CHST12: variants seen among roughly 807,000 people sequenced by gnomAD.
CHST12 encodes carbohydrate (chondroitin 4) sulfotransferase 12.
CHST12 carries 23 observed loss-of-function variants against 27.9 expected under a neutral mutation model. The observed-to-expected ratio is 0.82, with a 90% confidence interval of 0.59 to 1.17. The LOEUF is 1.17. Among genes scored for constraint, CHST12 ranks in the 50% most tolerant of loss-of-function variants. The pLI is 0.00. For missense variants in CHST12, 682 were observed against 603.0 expected (o/e 1.13, Z -1.37); for synonymous variants, 322 against 273.0 (o/e 1.18, Z -1.77).
At position 2,431,821 on chromosome 7, in the gene CHST12, G is replaced by A. The variant is rs535995980; in HGVS notation, c.-77-742G>A. Among the ~76,000 whole-genome samples the A allele has an allele frequency of 1.1e-4, 17 of 152,214 alleles. No homozygotes were observed. The South Asian group carries it at 3.3e-3, about 30-fold the overall frequency. Reference sequence around the variant, plus strand: ...GGCATTCGACTTAAGTAGAGTGGGTGTTGCCAAAACAATTTTCCTGTTGTT... The same window carrying A: ...GGCATTCGACTTAAGTAGAGTGGGTATTGCCAAAACAATTTTCCTGTTGTT... On this transcript the variant is annotated intron_variant, in intron 1 of 1. Coordinates refer to ENST00000618655, the MANE Select transcript of CHST12 (RefSeq NM_018641.5).
Position 2,433,004 on chromosome 7 carries a change from C to T in CHST12, c.365C>T (p.Ala122Val), listed in dbSNP as rs752131799. ...AGCCCAGACCAGGGCCGGCAGCAGG[C>T]GGAGCGGAGGAGCGTGCTGCGGGGC... is the stretch of plus-strand genomic sequence containing the variant. The part of the protein sequence containing the change: ...RRSPDQGRQQ[A>V]ERRSVLRGFC... The change falls in exon 2 of 2, where the codon GCG (alanine) becomes GTG (valine). Residue 122 changes from alanine to valine, a missense_variant. Physicochemically the swap from Ala to Val is moderately conservative, Grantham distance 64 (BLOSUM62 0). Coordinates refer to ENST00000618655, the MANE Select transcript of CHST12 (RefSeq NM_018641.5). This position sits in a 1 kb window ranked among gnomAD's most constrained non-coding sequence, Gnocchi z 6.1. 1.2e-6 allele frequency: 2 copies of T among 1,610,412 alleles called. No individual in the cohort carries two copies. The highest frequency in any genetic ancestry group is 2.2e-5 in the East Asian group (1 of 44,830).
intron 1 of CHST12, among the ~76,000 whole-genome samples, chr7:2,427,433 C>G (rs1017299414): frequency 1.0e-4 from 15 of 146,680 alleles, no homozygotes; most frequent in African/African-American, 3.3e-4. Context: ...CCTAGGAGGT[C>G]AAGGCTGCAG....
chr7:2,433,028 G>C lies in CHST12; in HGVS notation c.389G>C (p.Gly130Ala), dbSNP rs1250381282. ...QQAERRSVLR[G>A]FCANSSLAFP... ...GCGGAGCGGAGGAGCGTGCTGCGGG[G>C]CTTCTGCGCCAACTCCAGCCTGGCC... Residue 130 changes from glycine (G) to alanine (A), a missense_variant, in exon 2 of 2, where the codon GGC becomes GCC. Physicochemically the swap from Gly to Ala is moderately conservative, Grantham distance 60 (BLOSUM62 0). Transcript: ENST00000618655. This position sits in a 1 kb window ranked among gnomAD's most constrained non-coding sequence, Gnocchi z 6.1. The C allele has an allele frequency of 1.9e-6, 3 of 1,611,222 alleles. No individual in the cohort carries two copies. Among genetic ancestry groups the C allele is most frequent in the South Asian group, 1.1e-5 (1 of 91,056 alleles).
chr7:2,427,578 C>T (rs192582943), intron 1 of CHST12, among the ~76,000 whole-genome samples: 5 of 151,874 alleles, frequency 3.3e-5, no homozygotes, highest in Admixed American at 6.6e-5. Flanking sequence ...ATCTGCCACC[C>T]CCCCCTACAG....
In CHST12 at chr7:2,444,312, A is replaced by G. The variant is rs1782693357; in HGVS notation, c.*10428A>G. ...AAAAAAAAAAAAAAAAAAAAAATAC[A>G]AAAATTAGCTGGGTGTGGTGGTGGG... On this transcript the variant is annotated 3_prime_UTR_variant, in exon 2 of 2. Transcript: ENST00000618655. 6.8e-6 allele frequency: 1 copy of G among 147,776 alleles called. No homozygotes were observed. Among genetic ancestry groups the G allele is most frequent in the Admixed American group, 6.7e-5 (1 of 14,816 alleles). The allele number at this position is 147,776 out of a possible 1,614,324, so 9.2% of individuals were successfully genotyped here. A position where few individuals can be genotyped will look rare whatever the true frequency, so the allele number is the denominator to read the frequency against.
chr7:2,432,225 C>G (rs1032729512), intron 1 of CHST12, among the ~76,000 whole-genome samples: 28 of 148,270 alleles, frequency 1.9e-4, no homozygotes, highest in African/African-American at 6.9e-4. Flanking sequence ...AGGGCTCACA[C>G]CTGGAGCTGG....
At chr7:2,420,816 T>C (rs1463903946) in intron 1 of CHST12, among the ~76,000 whole-genome samples, 1 of 152,116 alleles carries the variant, frequency 6.6e-6, no homozygotes, top group African/African-American at 2.4e-5. Context: ...CTTTCAGTTA[T>C]TTTGGGTGTA....
intron 1 of CHST12, among the ~76,000 whole-genome samples, chr7:2,427,647 T>G: frequency 6.6e-6 from 1 of 152,198 alleles, no homozygotes; most frequent in East Asian, 1.9e-4. Flanking sequence ...AAGTTGAGGA[T>G]ATCCTCTTTG....
Position 2,433,283 on chromosome 7 carries a change from C to T in CHST12, c.644C>T (p.Thr215Ile). 1 of 1,612,208 alleles carries T rather than the reference C, an allele frequency of 6.2e-7. No homozygotes were observed. Among genetic ancestry groups the T allele is most frequent in the Non-Finnish European group, 8.5e-7 (1 of 1,178,988 alleles). ...EHVHNASAHL[T>I]FNKFWRRYGK... ...GTGCACAACGCCAGCGCGCACCTGA[C>T]CTTCAACAAGTTCTGGCGCCGCTAC... Residue 215 changes from threonine to isoleucine, a missense_variant, in exon 2 of 2, where the codon ACC becomes ATC. By Grantham distance (89) the Thr-to-Ile change is moderately conservative. Transcript: ENST00000618655. The surrounding 1 kb of genome is among the most constrained non-coding windows in gnomAD (Gnocchi z 6.1).
At chr7:2,411,308 C>T (rs377308044) in intron 1 of CHST12, among the ~76,000 whole-genome samples, 5 of 152,042 alleles carry the variant, frequency 3.3e-5, no homozygotes, top group Non-Finnish European at 5.9e-5. Context: ...TCTTGAACTC[C>T]TGGTCTCAAA....
intron 1 of CHST12, among the ~76,000 whole-genome samples, chr7:2,425,491 A>G (rs1224271857): frequency 6.6e-6 from 1 of 152,192 alleles, no homozygotes; most frequent in African/African-American, 2.4e-5. Context: ...AGAAAGAGAT[A>G]GGATCTGGCC....
chr7:2,446,314 C>T lies in CHST12; in HGVS notation c.*12430C>T, dbSNP rs910599418. 1 of 152,724 alleles carries T rather than the reference C, an allele frequency of 6.5e-6. No homozygotes were observed. Among genetic ancestry groups the T allele is most frequent in the Non-Finnish European group, 1.5e-5 (1 of 68,106 alleles). The allele number at this position is 152,724 out of a possible 1,614,324, so 9.5% of individuals were successfully genotyped here. A position where few individuals can be genotyped will look rare whatever the true frequency, so the allele number is the denominator to read the frequency against. On this transcript the variant is annotated 3_prime_UTR_variant, in exon 2 of 2. Transcript: ENST00000618655. ...GCCGCAGTCTGGGGGACGGGAGCCT[C>T]GTGCGACTCTCGGAGTGCTGGCCAG...
At position 2,433,511 on chromosome 7, in the gene CHST12, C is replaced by G. The variant is rs1782366247; in HGVS notation, c.872C>G (p.Ala291Gly). 1.2e-6 allele frequency: 2 copies of G among 1,612,524 alleles called. No individual in the cohort carries two copies. The highest frequency in any genetic ancestry group is 1.7e-6 in the Non-Finnish European group (2 of 1,179,902). ...HTSLPASARE[A>G]FRAGLKVSFA... The stretch of plus-strand genomic sequence containing the variant: ...AGCCTGCCCGCCTCGGCGCGCGAGG[C>G]CTTCCGCGCTGGCCTCAAGGTGTCC... The change falls in exon 2 of 2, where the codon GCC (alanine) becomes GGC (glycine). Residue 291 changes from alanine (A) to glycine (G), a missense_variant. Ala to Gly is a moderately conservative substitution (Grantham distance 60). Transcript: ENST00000618655. The surrounding 1 kb of genome is among the most constrained non-coding windows in gnomAD (Gnocchi z 6.1).
chr7:2,427,802 A>T (rs1414946700), intron 1 of CHST12, among the ~76,000 whole-genome samples: 1 of 152,120 alleles, frequency 6.6e-6, no homozygotes, highest in African/African-American at 2.4e-5. Flanking sequence ...CTACTTGGTC[A>T]TGCCGTGACT....
At position 2,448,114 on chromosome 7, in the gene CHST12, C is replaced by G. The variant is rs189240500; in HGVS notation, c.*14230C>G. 4.1e-4 allele frequency: 63 copies of G among 152,342 alleles called. No individual in the cohort carries two copies. The highest frequency in any genetic ancestry group is 4.1e-3 in the Admixed American group (62 of 15,304). 9.4% of individuals were successfully genotyped at this position (152,342 alleles called of 1,614,324 possible). A position where few individuals can be genotyped will look rare whatever the true frequency, so the allele number is the denominator to read the frequency against. Reference sequence around the variant, plus strand: ...AACTCCTGGTCTCAAGTGATCCGCCCTCCTCGGCCTTCCAAAATGCTAGGA... The same window carrying G: ...AACTCCTGGTCTCAAGTGATCCGCCGTCCTCGGCCTTCCAAAATGCTAGGA... On this transcript the variant is annotated 3_prime_UTR_variant, in exon 2 of 2. Transcript: ENST00000618655.
chr7:2,416,759 A>G (rs959088509), intron 1 of CHST12, among the ~76,000 whole-genome samples: 2 of 152,178 alleles, frequency 1.3e-5, no homozygotes, highest in African/African-American at 4.8e-5. Flanking sequence ...GGAAGAGGGG[A>G]AGAAAAGGAG....
intron 1 of CHST12, among the ~76,000 whole-genome samples, chr7:2,417,268 A>C (rs1189529689): frequency 6.7e-6 from 1 of 148,156 alleles, no homozygotes; most frequent in Non-Finnish European, 1.5e-5. Context: ...TCTGTTGGCC[A>C]GGCTAGAGTG....
At chr7:2,432,427 C>G in intron 1 of CHST12, 136 bp from the exon 2 acceptor site, 1 of 601,570 alleles carries the variant, frequency 1.7e-6, no homozygotes, top group East Asian at 2.8e-5. Context: ...AGCCTCCAGC[C>G]CCTCTGGAGG....
Position 2,438,415 on chromosome 7 carries a change from CGCTCTG to C in CHST12, c.*4532_*4537del. On this transcript the variant is annotated 3_prime_UTR_variant, in exon 2 of 2. Transcript: ENST00000618655. ...GAGACTCTTGGCAGAGAGCTGGGGACGCTCTGTTCTCATTGGCAGCCCCACCCTGAA... is the reference window on the plus strand; with the variant it reads ...GAGACTCTTGGCAGAGAGCTGGGGACTTCTCATTGGCAGCCCCACCCTGAA... 6.6e-6 allele frequency: 1 copy of C among 152,204 alleles called. No homozygotes were observed. Among genetic ancestry groups the C allele is most frequent in the African/African-American group, 2.4e-5 (1 of 41,516 alleles). The allele number at this position is 152,204 out of a possible 1,614,324, so 9.4% of individuals were successfully genotyped here. A position where few individuals can be genotyped will look rare whatever the true frequency, so the allele number is the denominator to read the frequency against.
Sources: allele counts gnomAD v4.1 joint callset (sites outside exome capture counted in the v4.1 genomes callset), GRCh38; gene constraint gnomAD v4.1.1; non-coding constraint Gnocchi (gnomAD v3.1); transcripts MANE v1.5; gene names NCBI Gene and HGNC (gene_info 2026-07-23, HGNC 2026-07-21).